PRKAG2: variants seen among roughly 807,000 people sequenced by gnomAD.
PRKAG2 encodes the protein 5'-AMP-activated protein kinase subunit gamma-2.
PRKAG2 carries 26 observed loss-of-function variants against 69.6 expected under a neutral mutation model. That is an observed-to-expected ratio of 0.37 (90% CI 0.27 to 0.52). The LOEUF (loss-of-function observed/expected upper bound fraction) is 0.52. PRKAG2 is among the 20% of genes least tolerant of loss of function. The pLI is 0.90. For synonymous variants in PRKAG2, 293 were observed against 285.0 expected (o/e 1.03, Z -0.28); for missense variants, 557 against 740.0 (o/e 0.75, Z 2.87).
rs575276013 is a variant in PRKAG2, at chr7:151,717,369, A to G, written c.467-41732T>C. On this transcript the variant is annotated intron_variant, in intron 3 of 15. Transcript: ENST00000287878. ...CCAAGAGACTGTAATTACATGGTTAAAGAATTTGGAAACACCTAGAACTCC... is the reference window on the plus strand; with the variant it reads ...CCAAGAGACTGTAATTACATGGTTAGAGAATTTGGAAACACCTAGAACTCC... Among the ~76,000 whole-genome samples, 3 of 152,324 alleles carry G rather than the reference A, an allele frequency of 2.0e-5. No homozygotes were observed. In the East Asian group the frequency reaches 5.8e-4, roughly 29 times the overall value.
intron 2 of PRKAG2, among the ~76,000 whole-genome samples, chr7:151,783,429 C>T (rs2076832974): frequency 6.6e-6 from 1 of 152,192 alleles, no homozygotes; most frequent in African/African-American, 2.4e-5. Flanking sequence ...CAACCTCCAC[C>T]TCCCGGGCTC....
At chr7:151,859,561 G>A (rs532136093) in intron 1 of PRKAG2, among the ~76,000 whole-genome samples, 19 of 152,192 alleles carry the variant, frequency 1.2e-4, no homozygotes, top group Admixed American at 3.3e-4. Context: ...TCCCAGGGGC[G>A]AGGACTGTGA....
chr7:151,867,392 T>G (rs2080107030), intron 1 of PRKAG2, among the ~76,000 whole-genome samples: 1 of 152,104 alleles, frequency 6.6e-6, no homozygotes. Context: ...TCCGGGAGGA[T>G]CCTTCCTTGC....
intron 1 of PRKAG2, among the ~76,000 whole-genome samples, chr7:151,874,243 GTA>G (rs1305432882): frequency 4.8e-5 from 6 of 125,368 alleles, no homozygotes; most frequent in African/African-American, 1.3e-4. Context: ...TGATGTATAT[GTA>G]TATGTATATG....
At chr7:151,631,770 T>A (rs896763904) in intron 5 of PRKAG2, 1 of 476,974 alleles carries the variant, frequency 2.1e-6, no homozygotes, top group Non-Finnish European at 4.2e-6. Context: ...GACACCTTGC[T>A]GTAATTCGAG....
intron 3 of PRKAG2, among the ~76,000 whole-genome samples, chr7:151,713,393 C>T (rs561169568): frequency 2.6e-5 from 4 of 152,148 alleles, no homozygotes; most frequent in South Asian, 2.1e-4. Context: ...TGTGAATCAG[C>T]GGTTTTTGAA....
intron 11 of PRKAG2, among the ~76,000 whole-genome samples, chr7:151,566,185 G>T (rs1457158279): frequency 6.6e-6 from 1 of 152,150 alleles, no homozygotes; most frequent in Non-Finnish European, 1.5e-5. Context: ...GGAAGAACAG[G>T]TCTATTTGGG....
At chr7:151,856,897 A>G (rs566918075) in intron 1 of PRKAG2, among the ~76,000 whole-genome samples, 26 of 152,246 alleles carry the variant, frequency 1.7e-4, no homozygotes, top group African/African-American at 6.3e-4. Context: ...AGAAGACAAC[A>G]AGAAGGGCGG....
At chr7:151,602,106 T>C (rs1208655195) in intron 5 of PRKAG2, among the ~76,000 whole-genome samples, 5 of 152,250 alleles carry the variant, frequency 3.3e-5, no homozygotes, top group Admixed American at 3.3e-4. Context: ...CTGCTAAGGA[T>C]GACGCTCCTC....
chr7:151,604,634 T>TCACACACACATA (rs533098862), intron 5 of PRKAG2, among the ~76,000 whole-genome samples: 1 of 152,006 alleles, frequency 6.6e-6, no homozygotes, highest in Non-Finnish European at 1.5e-5. Flanking sequence ...CAAGACTCTG[T>TCACACACACATA]CACACACACA....
intron 3 of PRKAG2, among the ~76,000 whole-genome samples, chr7:151,717,139 C>T (rs150869452): frequency 0.015 from 2,208 of 151,684 alleles, 24 homozygotes; most frequent in Non-Finnish European, 0.023. Context: ...CCCAGCTACT[C>T]GGAAGGTTGA....
At chr7:151,684,952 G>A (rs1402637159) in intron 3 of PRKAG2, among the ~76,000 whole-genome samples, 2 of 152,156 alleles carry the variant, frequency 1.3e-5, no homozygotes, top group South Asian at 2.1e-4. Flanking sequence ...CAAGCTCCAG[G>A]TGCCACACGT....
intron 5 of PRKAG2, among the ~76,000 whole-genome samples, chr7:151,611,005 T>C (rs1374750466): frequency 6.6e-6 from 1 of 152,140 alleles, no homozygotes; most frequent in African/African-American, 2.4e-5. Flanking sequence ...TCCGTCCACC[T>C]TGGCCTCCCA....
chr7:151,573,110 C>A (rs1360721232), intron 8 of PRKAG2, among the ~76,000 whole-genome samples: 3 of 149,696 alleles, frequency 2.0e-5, no homozygotes, highest in Non-Finnish European at 4.4e-5. Context: ...GAGACTCTGT[C>A]TCAAAAAAAA....
chr7:151,750,947 A>G (rs2074631238), intron 3 of PRKAG2, among the ~76,000 whole-genome samples: 1 of 152,188 alleles, frequency 6.6e-6, no homozygotes, highest in Admixed American at 6.5e-5. Context: ...AAAAAAGTTA[A>G]ACCTACAAAT....
chr7:151,873,342 G>C (rs999763423), intron 1 of PRKAG2, among the ~76,000 whole-genome samples: 1 of 152,134 alleles, frequency 6.6e-6, no homozygotes, highest in Admixed American at 6.5e-5. Flanking sequence ...CACTGTCATC[G>C]CTCCTTCTGC....
At chr7:151,800,208 A>C (rs995011962) in intron 1 of PRKAG2, among the ~76,000 whole-genome samples, 1 of 151,988 alleles carries the variant, frequency 6.6e-6, no homozygotes, top group Non-Finnish European at 1.5e-5. Context: ...AATACAAAAA[A>C]TTAGCCAGGT....
intron 4 of PRKAG2, among the ~76,000 whole-genome samples, chr7:151,640,139 T>C (rs1826434584): frequency 6.6e-6 from 1 of 151,966 alleles, no homozygotes; most frequent in Non-Finnish European, 1.5e-5. Flanking sequence ...GGTGAAACAA[T>C]GTCTCTATGA....
chr7:151,571,073 A>ATTTTT (rs549539764), intron 9 of PRKAG2, among the ~76,000 whole-genome samples: 5 of 135,006 alleles, frequency 3.7e-5, no homozygotes, highest in Non-Finnish European at 4.8e-5. Flanking sequence ...GCCCAGCCTA[A>ATTTTT]TTTTTTTTTT....
Sources: gnomAD v4.1 joint callset for allele counts (sites outside exome capture counted in the v4.1 genomes callset) on GRCh38, gnomAD v4.1.1 for gene constraint, MANE v1.5 for transcripts, NCBI Gene and HGNC (gene_info 2026-07-23, HGNC 2026-07-21) for gene names.